Variants in LRRIQ1 observed in about 807,000 individuals in gnomAD.
LRRIQ1 encodes leucine-rich repeat- and IQ domain-containing protein 1.
A neutral mutation model predicts 211.9 loss-of-function variants in LRRIQ1; 210 were observed. The observed-to-expected ratio is 0.99, with a 90% CI of 0.89 to 1.11. The LOEUF is 1.11. Among genes scored for constraint, LRRIQ1 ranks in the 50% most tolerant of loss-of-function variants. The pLI, the probability that LRRIQ1 is intolerant of heterozygous loss-of-function variation, is 0.00. For synonymous variants in LRRIQ1, 699 were observed against 650.1 expected (o/e 1.08, Z -1.14); for missense variants, 2,136 against 1,939.5 (o/e 1.10, Z -1.90).
In LRRIQ1 at chr12:85,154,006, T is replaced by A. The variant is rs200145131; in HGVS notation, c.4638-6T>A. 1.2e-5 allele frequency: 19 copies of A among 1,531,586 alleles called. No homozygotes were observed. The highest frequency in any genetic ancestry group is 6.2e-5 in the Admixed American group (3 of 48,294). 94.9% of individuals were successfully genotyped at this position (1,531,586 alleles called of 1,614,324 possible). A position where few individuals can be genotyped will look rare whatever the true frequency, so the allele number is the denominator to read the frequency against. On this transcript the variant is annotated splice_region_variant and splice_polypyrimidine_tract_variant and intron_variant, in intron 22 of 26. Transcript: ENST00000393217. ...TTTACCTTTATTATATTTAATCTTT[T>A]AATAGGGGCTTTAAGGATATTTCTA...
intron 8 of LRRIQ1, among the ~76,000 whole-genome samples, chr12:85,060,326 A>C (rs1207651426): frequency 6.6e-6 from 1 of 151,992 alleles, no homozygotes; most frequent in Admixed American, 6.6e-5. Context: ...GAGAAGACTA[A>C]AGAGCAATAA....
chr12:85,091,049 AGT>A (rs1885342996), intron 11 of LRRIQ1, among the ~76,000 whole-genome samples: 1 of 152,102 alleles, frequency 6.6e-6, no homozygotes, highest in Non-Finnish European at 1.5e-5. Flanking sequence ...GTGGTTTAAA[AGT>A]GTGTGGCATC....
At chr12:85,194,969 C>G (rs1201987876) in intron 24 of LRRIQ1, among the ~76,000 whole-genome samples, 1 of 151,916 alleles carries the variant, frequency 6.6e-6, no homozygotes, top group African/African-American at 2.4e-5. Flanking sequence ...CAAATAGATG[C>G]AATAAAAAAT....
intron 24 of LRRIQ1, among the ~76,000 whole-genome samples, chr12:85,200,049 T>C (rs1268224896): frequency 6.6e-6 from 1 of 152,196 alleles, no homozygotes; most frequent in Non-Finnish European, 1.5e-5. Flanking sequence ...AATCTGTAAA[T>C]TGCTTTGGGC....
chr12:85,130,391 G>A (rs958683294), intron 18 of LRRIQ1, among the ~76,000 whole-genome samples: 4 of 152,148 alleles, frequency 2.6e-5, no homozygotes, highest in East Asian at 1.9e-4. Flanking sequence ...GCCTGTCATC[G>A]GTGGATGAAC....
rs758845155 is a variant in LRRIQ1, at chr12:85,223,891, G to A, written c.4823-5626G>A. Among the ~76,000 whole-genome samples, 4 of 151,224 alleles carry A rather than the reference G, an allele frequency of 2.6e-5. No individual in the cohort carries two copies. In the South Asian group the frequency reaches 8.3e-4, roughly 31 times the overall value. On this transcript the variant is annotated intron_variant, in intron 24 of 26. Transcript: ENST00000393217. Reference sequence around the variant, plus strand: ...AATGTTCCATTTCACTAGCAAAGATGTATAAATTAAGACCATAATTAGACA... The same window carrying A: ...AATGTTCCATTTCACTAGCAAAGATATATAAATTAAGACCATAATTAGACA...
chr12:85,044,573 T>C (rs1181453587), intron 3 of LRRIQ1, 145 bp from the exon 4 acceptor site: 1 of 379,166 alleles, frequency 2.6e-6, no homozygotes, highest in Non-Finnish European at 4.9e-6. Flanking sequence ...TTCTTAATAA[T>C]TTTTCTGTTA....
chr12:85,088,462 GT>G (rs1378128978), intron 11 of LRRIQ1, among the ~76,000 whole-genome samples: 1 of 152,122 alleles, frequency 6.6e-6, no homozygotes, highest in Admixed American at 6.5e-5. Flanking sequence ...CTTTAAAGTA[GT>G]TTTTTCCAAT....
intron 13 of LRRIQ1, among the ~76,000 whole-genome samples, chr12:85,101,535 A>G (rs888078112): frequency 3.3e-5 from 5 of 151,862 alleles, no homozygotes; most frequent in Non-Finnish European, 7.4e-5. Flanking sequence ...GACAAGGTCA[A>G]ATGGTTTTAG....
chr12:85,208,376 G>A (rs537324343), intron 24 of LRRIQ1, among the ~76,000 whole-genome samples: 4 of 152,070 alleles, frequency 2.6e-5, no homozygotes, highest in Admixed American at 1.3e-4. Context: ...AGTTGAAACA[G>A]TTTAAATTCA....
At chr12:85,266,381 A>T (rs796367882), downstream of LRRIQ1, among the ~76,000 whole-genome samples, 1 of 152,154 alleles carries the variant, frequency 6.6e-6, no homozygotes, top group Non-Finnish European at 1.5e-5. Context: ...AAGTGAATAT[A>T]TTTGAAAGAT....
intron 24 of LRRIQ1, among the ~76,000 whole-genome samples, chr12:85,163,285 T>C (rs974604279): frequency 2.6e-5 from 4 of 152,190 alleles, no homozygotes; most frequent in Admixed American, 6.5e-5. Context: ...TTTTAGAACA[T>C]TGGAAGATCT....
intron 10 of LRRIQ1, among the ~76,000 whole-genome samples, chr12:85,069,226 T>A (rs1882799187): frequency 6.6e-6 from 1 of 151,966 alleles, no homozygotes; most frequent in Non-Finnish European, 1.5e-5. Context: ...TTGCTGAGAA[T>A]GATGGTTTCC....
chr12:85,121,436 C>T (rs1485583283), intron 15 of LRRIQ1, among the ~76,000 whole-genome samples: 1 of 152,042 alleles, frequency 6.6e-6, no homozygotes, highest in Non-Finnish European at 1.5e-5. Context: ...TTCCAAGTTT[C>T]AATCTTTCAT....
intron 15 of LRRIQ1, among the ~76,000 whole-genome samples, chr12:85,115,813 A>G (rs1021645519): frequency 2.6e-5 from 4 of 152,162 alleles, no homozygotes; most frequent in Non-Finnish European, 4.4e-5. Flanking sequence ...TGTTTGGAGT[A>G]TAAAATATTT....
chr12:85,110,085 T>C (rs752024027), intron 15 of LRRIQ1, among the ~76,000 whole-genome samples: 17 of 152,116 alleles, frequency 1.1e-4, no homozygotes, highest in Non-Finnish European at 2.2e-4. Flanking sequence ...TCTTAGAACG[T>C]GGTAAGATAA....
intron 18 of LRRIQ1, among the ~76,000 whole-genome samples, chr12:85,131,451 T>C (rs1888755616): frequency 2.0e-5 from 3 of 152,210 alleles, no homozygotes; most frequent in African/African-American, 7.2e-5. Flanking sequence ...TTTACTCTGT[T>C]ATAGCACTTA....
chr12:85,121,731 A>G lies in LRRIQ1; in HGVS notation c.3412A>G (p.Ile1138Val), dbSNP rs776416059. The stretch of plus-strand genomic sequence containing the variant: ...ACTTAAAGTGTTGCCTGCTCTGAGA[A>G]TCCTCAATGGCAATATACTAAACTC... ...SLLKVLPALR[I>V]LNGNILNSNS... Residue 1138 changes from isoleucine to valine, a missense_variant, in exon 16 of 27, where the codon ATC (isoleucine) becomes GTC (valine). Physicochemically the swap from Ile to Val is conservative, Grantham distance 29. Transcript: ENST00000393217. 2.5e-6 allele frequency: 4 copies of G among 1,596,932 alleles called. No homozygotes were observed. In the Admixed American group the frequency reaches 7.0e-5, roughly 28 times the overall value.
At chr12:85,202,556 G>T (rs913316065) in intron 24 of LRRIQ1, among the ~76,000 whole-genome samples, 29 of 151,998 alleles carry the variant, frequency 1.9e-4, no homozygotes, top group African/African-American at 7.0e-4. Flanking sequence ...TATCCTTCTT[G>T]GTCTTTCCTG....
Sources: allele counts gnomAD v4.1 joint callset (sites outside exome capture counted in the v4.1 genomes callset), GRCh38; gene constraint gnomAD v4.1.1; transcripts MANE v1.5; gene names NCBI Gene and HGNC (gene_info 2026-07-23, HGNC 2026-07-21).